The following MS4A4E variants were observed in gnomAD, a reference collection of about 807,000 sequenced individuals.
MS4A4E encodes membrane spanning 4-domains A4E.
A neutral mutation model predicts 13.3 loss-of-function variants in MS4A4E; 23 were observed. That is an observed-to-expected ratio of 1.73 (90% confidence interval 1.25 to 2.45). The LOEUF (loss-of-function observed/expected upper bound fraction) is 2.45. MS4A4E is among the 30% of genes most tolerant of loss of function. MS4A4E has a pLI of 0.00. For missense variants in MS4A4E, 144 were observed against 131.2 expected (o/e 1.10, Z -0.48); for synonymous variants, 36 against 45.6 (o/e 0.79, Z 0.85).
chr11:60,230,171 A>G (rs955150420), intron 1 of MS4A4E, 100 bp from the exon 2 acceptor site: 54 of 1,285,676 alleles, frequency 4.2e-5, no homozygotes, highest in Middle Eastern at 2.7e-4. Context: ...AACCTGGTCT[A>G]CATTCCCCTC....
At chr11:60,231,202 G>A (rs184598993) in intron 1 of MS4A4E, among the ~76,000 whole-genome samples, 5 of 152,076 alleles carry the variant, frequency 3.3e-5, no homozygotes, top group Admixed American at 3.3e-4. Context: ...TAATCATTTA[G>A]AGCATTAATT....
At chr11:60,226,497 A>C (rs1474469625) in intron 3 of MS4A4E, among the ~76,000 whole-genome samples, 1 of 152,216 alleles carries the variant, frequency 6.6e-6, no homozygotes, top group African/African-American at 2.4e-5. Context: ...AAAATCAATG[A>C]ATGTAACTAA....
chr11:60,225,653 A>C (rs2134955116), intron 3 of MS4A4E, among the ~76,000 whole-genome samples: 1 of 152,304 alleles, frequency 6.6e-6, no homozygotes, highest in East Asian at 1.9e-4. Flanking sequence ...GATGTAGTGA[A>C]AGCAGTGCTT....
chr11:60,237,026 G>A (rs2084492239), intron 1 of MS4A4E, among the ~76,000 whole-genome samples: 1 of 152,098 alleles, frequency 6.6e-6, no homozygotes, highest in Non-Finnish European at 1.5e-5. Context: ...ATGAGCCACT[G>A]CGCCCAACCA....
intron 5 of MS4A4E, among the ~76,000 whole-genome samples, chr11:60,210,226 C>T (rs1259872065): frequency 6.6e-6 from 1 of 152,204 alleles, no homozygotes; most frequent in Admixed American, 6.5e-5. Context: ...GGCTGGACTT[C>T]CAAAAACATA....
At chr11:60,212,325 T>TTC (rs1239610294) in intron 5 of MS4A4E, among the ~76,000 whole-genome samples, 1 of 151,848 alleles carries the variant, frequency 6.6e-6, no homozygotes, top group Non-Finnish European at 1.5e-5. Context: ...TTTTTTTTTT[T>TTC]TTGAGACAGA....
intron 1 of MS4A4E, among the ~76,000 whole-genome samples, chr11:60,237,781 T>C (rs774304136): frequency 6.6e-5 from 10 of 152,138 alleles, no homozygotes; most frequent in Non-Finnish European, 1.5e-4. Context: ...TTGTGTATAT[T>C]ATTTGTATCC....
At chr11:60,240,445 C>A (rs995595335) in intron 1 of MS4A4E, among the ~76,000 whole-genome samples, 2 of 152,056 alleles carry the variant, frequency 1.3e-5, no homozygotes, top group African/African-American at 4.8e-5. Flanking sequence ...TTCAACCCAC[C>A]CCTGACTTTG....
chr11:60,223,918 T>G (rs981798577), intron 3 of MS4A4E, among the ~76,000 whole-genome samples: 3 of 152,170 alleles, frequency 2.0e-5, no homozygotes, highest in Admixed American at 6.5e-5. Flanking sequence ...ATCTATCCTA[T>G]TAGTTATGTC....
chr11:60,204,748 A>G (rs1181900910), intron 8 of MS4A4E, among the ~76,000 whole-genome samples, 142 bp downstream of exon 8: 1 of 152,216 alleles, frequency 6.6e-6, no homozygotes, highest in African/African-American at 2.4e-5. Context: ...CACGTATGCC[A>G]GTAATAAAGT....
intron 2 of MS4A4E, among the ~76,000 whole-genome samples, chr11:60,229,494 A>C (rs559953256): frequency 2.0e-5 from 3 of 152,308 alleles, no homozygotes; most frequent in African/African-American, 7.2e-5. Context: ...AAATGCTCAG[A>C]GAATAGCAGA....
intron 1 of MS4A4E, among the ~76,000 whole-genome samples, chr11:60,238,308 T>C (rs2084509505): frequency 6.6e-6 from 1 of 152,024 alleles, no homozygotes. Flanking sequence ...CTTTCCTTTA[T>C]AAAAGTTTTT....
intron 1 of MS4A4E, among the ~76,000 whole-genome samples, chr11:60,233,104 T>A (rs900394994): frequency 6.6e-6 from 1 of 152,032 alleles, no homozygotes; most frequent in Admixed American, 6.6e-5. Context: ...CAGGGGGTCA[T>A]TTCTGCACCT....
chr11:60,229,139 G>T (rs1396102556), intron 2 of MS4A4E, among the ~76,000 whole-genome samples: 3 of 152,156 alleles, frequency 2.0e-5, no homozygotes, highest in Non-Finnish European at 4.4e-5. Context: ...GGGGCAAGGG[G>T]CATATGGGAT....
rs1187335833 is a variant in MS4A4E at position 60,213,150 on chromosome 11, T to G, written c.223-18A>C. On this transcript the variant is annotated intron_variant, in intron 4 of 8. Coordinates refer to ENST00000651255, the MANE Select transcript of MS4A4E (RefSeq NM_001393391.1). ...CCTCCAACCTAGAAAGAAATGAAAA[T>G]TAATTAAGCAATCCAACATCATCCT... The G allele has an allele frequency of 1.2e-6, 1 of 806,502 alleles. No individual in the cohort carries two copies. 50.0% of individuals were successfully genotyped at this position (806,502 alleles called of 1,614,324 possible). A position where few individuals can be genotyped will look rare whatever the true frequency, so the allele number is the denominator to read the frequency against.
rs1016511904 is a variant in MS4A4E at position 60,243,058 on chromosome 11, C to G, written c.-117G>C. ...TTCCAGACACAGTCAGCTTCCCCCA[C>G]TCCACACCTCACTCAGTTTAAATCT... On this transcript the variant is annotated 5_prime_UTR_variant, in exon 1 of 9. Coordinates refer to ENST00000651255, the MANE Select transcript of MS4A4E (RefSeq NM_001393391.1). 3 of 1,061,092 alleles carry G rather than the reference C, an allele frequency of 2.8e-6. No homozygotes were observed. The highest frequency in any genetic ancestry group is 2.2e-5 in the Admixed American group (1 of 44,502). 65.7% of individuals were successfully genotyped at this position (1,061,092 alleles called of 1,614,324 possible).
chr11:60,204,664 ATTCAT>A (rs2134910685), intron 8 of MS4A4E, among the ~76,000 whole-genome samples: 1 of 152,312 alleles, frequency 6.6e-6, no homozygotes, highest in South Asian at 2.1e-4. Context: ...GAAATCAAGC[ATTCAT>A]TTCATTTCCA....
chr11:60,218,194 C>T (rs552592892), intron 3 of MS4A4E, among the ~76,000 whole-genome samples: 3 of 152,236 alleles, frequency 2.0e-5, no homozygotes, highest in East Asian at 1.9e-4. Context: ...AGGAAATTCC[C>T]GCCTAATAAA....
At position 60,200,443 on chromosome 11, in the gene MS4A4E, C is replaced by T. The variant is rs1053941908; in HGVS notation, c.*1100G>A. 3.5e-4 allele frequency among the ~76,000 whole-genome samples: 53 copies of T among 152,114 alleles called. No individual in the cohort carries two copies. Among genetic ancestry groups the T allele is most frequent in the African/African-American group, 9.6e-4 (40 of 41,488 alleles). ...CTAGGCAGAGGACCCTGCGGCCTTC[C>T]GAGGTGTTTGTGTCCCTGGGTACTT... On this transcript the variant is annotated 3_prime_UTR_variant, in exon 9 of 9. Transcript: ENST00000651255.
Sources: allele counts gnomAD v4.1 joint callset (sites outside exome capture counted in the v4.1 genomes callset), GRCh38; gene constraint gnomAD v4.1.1; transcripts MANE v1.5; gene names NCBI Gene and HGNC (gene_info 2026-07-23, HGNC 2026-07-21).